The following MARK2 variants were observed in gnomAD, a reference collection of about 807,000 sequenced individuals.
The protein encoded by MARK2 is microtubule affinity regulating kinase 2.
MARK2 carries 16 observed loss-of-function variants against 89.8 expected under a neutral mutation model. The observed-to-expected ratio is 0.18, with a 90% CI of 0.12 to 0.27. The LOEUF (loss-of-function observed/expected upper bound fraction) is 0.27. Ranked by LOEUF, MARK2 falls within the 10% of genes least tolerant of loss-of-function variation. The pLI is 1.00. For synonymous variants in MARK2, 382 were observed against 399.5 expected (o/e 0.96, Z 0.52); for missense variants, 621 against 1,049.9 (o/e 0.59, Z 5.65).
intron 1 of MARK2, among the ~76,000 whole-genome samples, chr11:63,877,602 G>A (rs1938844793): frequency 6.6e-6 from 1 of 151,916 alleles, no homozygotes; most frequent in South Asian, 2.1e-4. Context: ...AGAAGGCTGA[G>A]GTGGGAGGAT....
In MARK2 at chr11:63,902,389, T is replaced by C; in HGVS notation, c.1234+59T>C. ...ACCCCTCTCCAGAGAGGTTACAGGT[T>C]CTGTGGGGACTTGGGTAACACAACT... On this transcript the variant is annotated intron_variant, in intron 12 of 18. Transcript: ENST00000402010. The surrounding 1 kb of genome is among the most constrained non-coding windows in gnomAD (Gnocchi z 4.2). 1 of 1,603,692 alleles carries C rather than the reference T, an allele frequency of 6.2e-7. No homozygotes were observed. The highest frequency in any genetic ancestry group is 8.5e-7 in the Non-Finnish European group (1 of 1,172,078).
intron 1 of MARK2, among the ~76,000 whole-genome samples, chr11:63,849,314 C>T (rs951367681): frequency 1.3e-5 from 2 of 152,206 alleles, no homozygotes; most frequent in Admixed American, 6.5e-5. Flanking sequence ...TACTGGTTCT[C>T]CAGTCACAGG....
chr11:63,875,432 T>C (rs1938691893), intron 1 of MARK2, among the ~76,000 whole-genome samples: 1 of 152,162 alleles, frequency 6.6e-6, no homozygotes, highest in African/African-American at 2.4e-5. Flanking sequence ...TTTTTCTTTG[T>C]TGAGATGGGG....
rs1370215107 is a variant in MARK2 at position 63,902,061 on chromosome 11, G to A, written c.1102-137G>A. ...GGGTCTCCTCCAGGGGGGATGTATT[G>A]GTCTTACAAGTGGATGTCCGGTATG... On this transcript the variant is annotated intron_variant, in intron 11 of 18. Transcript: ENST00000402010. This position sits in a 1 kb window ranked among gnomAD's most constrained non-coding sequence, Gnocchi z 4.2. The A allele has an allele frequency of 4.8e-6, 4 of 830,454 alleles. No homozygotes were observed. The African/African-American group carries it at 5.1e-5, about 11-fold the overall frequency. The allele number at this position is 830,454 out of a possible 1,614,324, so 51.4% of individuals were successfully genotyped here. A position where few individuals can be genotyped will look rare whatever the true frequency, so the allele number is the denominator to read the frequency against.
chr11:63,890,853 G>A (rs1355940071), intron 1 of MARK2, among the ~76,000 whole-genome samples: 2 of 152,222 alleles, frequency 1.3e-5, no homozygotes, highest in Non-Finnish European at 2.9e-5. Context: ...CCACTTTACA[G>A]ATAAGGAAAT....
chr11:63,901,382 T>G (rs1489183233), intron 11 of MARK2, among the ~76,000 whole-genome samples: 1 of 151,624 alleles, frequency 6.6e-6, no homozygotes, highest in Admixed American at 6.6e-5. Context: ...GATCTAGATA[T>G]CTTTGTGTCT....
rs1941141228 is a variant in MARK2, at chr11:63,904,229, T to C, written c.1676+82T>C. 8.0e-7 allele frequency: 1 copy of C among 1,254,744 alleles called. No homozygotes were observed. Among genetic ancestry groups the C allele is most frequent in the South Asian group, 1.4e-5 (1 of 70,098 alleles). The allele number at this position is 1,254,744 out of a possible 1,614,324, so 77.7% of individuals were successfully genotyped here. A position where few individuals can be genotyped will look rare whatever the true frequency, so the allele number is the denominator to read the frequency against. ...GCCCCAACAATTTCTTCTTCCCACT[T>C]GGGGGTCCTGCTGTGTTCTTGTCAT... On this transcript the variant is annotated intron_variant, in intron 15 of 18. Coordinates refer to ENST00000402010, the MANE Select transcript of MARK2 (RefSeq NM_001039469.3). This position sits in a 1 kb window ranked among gnomAD's most constrained non-coding sequence, Gnocchi z 6.3.
intron 1 of MARK2, among the ~76,000 whole-genome samples, chr11:63,892,135 C>T (rs1283796988): frequency 6.6e-6 from 1 of 152,128 alleles, no homozygotes; most frequent in Non-Finnish European, 1.5e-5. Context: ...CATGGAGATG[C>T]AAAGGTTGAT....
rs1237481540 is a variant in MARK2, at chr11:63,903,275, T to A, written c.1514+117T>A. The A allele has an allele frequency of 1.3e-6, 1 of 792,856 alleles. No individual in the cohort carries two copies. The highest frequency in any genetic ancestry group is 2.1e-6 in the Non-Finnish European group (1 of 466,500). 49.1% of individuals were successfully genotyped at this position (792,856 alleles called of 1,614,324 possible). A position where few individuals can be genotyped will look rare whatever the true frequency, so the allele number is the denominator to read the frequency against. ...GCGCATTGCTCCCTGCTCCCTGGAG[T>A]TCCATCCTGGCTGTGTCCAGTCCAG... On this transcript the variant is annotated intron_variant, in intron 14 of 18. Transcript: ENST00000402010. This position sits in a 1 kb window ranked among gnomAD's most constrained non-coding sequence, Gnocchi z 5.1.
chr11:63,883,113 C>T (rs866858763), intron 1 of MARK2, among the ~76,000 whole-genome samples: 2 of 152,210 alleles, frequency 1.3e-5, no homozygotes, highest in South Asian at 2.1e-4. Flanking sequence ...GTGAGCTTCC[C>T]TCAGCCCTTG....
Position 63,899,942 on chromosome 11 carries a change from C to T in MARK2, c.600C>T (p.Phe200=). 1 of 1,614,192 alleles carries T rather than the reference C, an allele frequency of 6.2e-7. No individual in the cohort carries two copies. Among genetic ancestry groups the T allele is most frequent in the Non-Finnish European group, 8.5e-7 (1 of 1,180,032 alleles). ...CAGACTTTGGCTTCAGCAATGAATTCACCTTTGGGAACAAGCTGGACACCT... is the reference window on the plus strand; with the variant it reads ...CAGACTTTGGCTTCAGCAATGAATTTACCTTTGGGAACAAGCTGGACACCT... ...KIADFGFSNE[F]TFGNKLDTFC... Residue 200 remains phenylalanine, a synonymous_variant, in exon 8 of 19, where the codon TTC becomes TTT. Transcript: ENST00000402010.
chr11:63,861,328 C>T (rs777826131), intron 1 of MARK2, among the ~76,000 whole-genome samples: 4 of 152,018 alleles, frequency 2.6e-5, no homozygotes, highest in Non-Finnish European at 5.9e-5. Context: ...CCCAGCTACT[C>T]TGGAGGCTGA....
intron 11 of MARK2, among the ~76,000 whole-genome samples, chr11:63,901,357 T>C (rs1168365847): frequency 1.3e-5 from 2 of 151,946 alleles, no homozygotes; most frequent in Non-Finnish European, 2.9e-5. Context: ...GGTCATCGGC[T>C]AGCACTACTA....
rs1224328164 is a variant in MARK2, at chr11:63,904,189, C to A, written c.1676+42C>A. 4 of 1,480,340 alleles carry A rather than the reference C, an allele frequency of 2.7e-6. No homozygotes were observed. Among genetic ancestry groups the A allele is most frequent in the Non-Finnish European group, 3.6e-6 (4 of 1,116,764 alleles). 91.7% of individuals were successfully genotyped at this position (1,480,340 alleles called of 1,614,324 possible). On this transcript the variant is annotated intron_variant, in intron 15 of 18. Transcript: ENST00000402010. This position sits in a 1 kb window ranked among gnomAD's most constrained non-coding sequence, Gnocchi z 6.3. Reference sequence around the variant, plus strand: ...AGCTGGTGCACCTGCTGCCCTCAGCCCACCCTACCCCCTTGCCCCAACAAT... The same window carrying A: ...AGCTGGTGCACCTGCTGCCCTCAGCACACCCTACCCCCTTGCCCCAACAAT...
At chr11:63,860,167 C>G (rs1937664643) in intron 1 of MARK2, among the ~76,000 whole-genome samples, 1 of 152,162 alleles carries the variant, frequency 6.6e-6, no homozygotes, top group African/African-American at 2.4e-5. Context: ...TTCCATAGCA[C>G]CTCTAACTTT....
At chr11:63,856,768 G>GGTTTTTTTTTTTTTTTTTTTTTT (rs1565100741) in intron 1 of MARK2, among the ~76,000 whole-genome samples, 1 of 53,796 alleles carries the variant, frequency 1.9e-5, no homozygotes, top group African/African-American at 7.3e-5. Context: ...AATTTTTCAT[G>GGTTTTTTTTTTTTTTTTTTTTTT]TTTTTTTTTT....
intron 16 of MARK2, 50 bp downstream of exon 16, chr11:63,905,093 C>T: frequency 1.2e-5 from 6 of 494,252 alleles, no homozygotes; most frequent in Non-Finnish European, 2.0e-5. Context: ...GGCCTTCCTG[C>T]TTTACTCGGG....
intron 1 of MARK2, among the ~76,000 whole-genome samples, chr11:63,847,417 A>C (rs1455679811): frequency 6.6e-6 from 1 of 152,178 alleles, no homozygotes; most frequent in Non-Finnish European, 1.5e-5. Context: ...GGCTGTGTTC[A>C]GTGACTGGCT....
rs200346312 is a variant in MARK2 at position 63,900,840 on chromosome 11, G to T, written c.949G>T (p.Val317Leu). The T allele has an allele frequency of 4.5e-5, 73 of 1,614,062 alleles. No individual in the cohort carries two copies. Among genetic ancestry groups the T allele is most frequent in the Non-Finnish European group, 8.5e-6 (10 of 1,180,040 alleles). ...CGAAGATGATGAACTAAAGCCTTAC[G>T]TGGAGCCACTCCCTGACTACAAGGA... ...GHEDDELKPY[V>L]EPLPDYKDPR... The change falls in exon 10 of 19, where the codon GTG becomes TTG. Residue 317 changes from valine to leucine, a missense_variant. By Grantham distance (32) the Val-to-Leu change is conservative. Coordinates refer to ENST00000402010, the MANE Select transcript of MARK2 (RefSeq NM_001039469.3). The surrounding 1 kb of genome is among the most constrained non-coding windows in gnomAD (Gnocchi z 4.7).
Sources: gnomAD v4.1 joint callset for allele counts (sites outside exome capture counted in the v4.1 genomes callset) on GRCh38, gnomAD v4.1.1 for gene constraint, Gnocchi (gnomAD v3.1) non-coding constraint, MANE v1.5 for transcripts, NCBI Gene and HGNC (gene_info 2026-07-23, HGNC 2026-07-21) for gene names.